The following MIPOL1 variants were observed in gnomAD, a reference collection of about 807,000 sequenced individuals.
The protein encoded by MIPOL1 is mirror-image polydactyly gene 1 protein.
In MIPOL1, 57 loss-of-function variants were observed where a neutral mutation model predicts 60.9. The ratio of observed to expected loss-of-function variants is 0.94; its 90% CI spans 0.76 to 1.17. The LOEUF is 1.17. Among genes scored for constraint, MIPOL1 ranks in the 50% most tolerant of loss-of-function variants. The pLI, the probability that MIPOL1 is intolerant of heterozygous loss-of-function variation, is 0.00. For missense variants in MIPOL1, 551 were observed against 511.6 expected (o/e 1.08, Z -0.74); for synonymous variants, 179 against 168.8 (o/e 1.06, Z -0.47).
intron 11 of MIPOL1, among the ~76,000 whole-genome samples, chr14:37,497,234 G>A (rs1395163293): frequency 6.6e-6 from 1 of 152,146 alleles, no homozygotes; most frequent in Non-Finnish European, 1.5e-5. Flanking sequence ...ATAGGCATGG[G>A]CAAGGACTTC....
At position 37,247,918 on chromosome 14, in the gene MIPOL1, T is replaced by C; in HGVS notation, c.19+11T>C. ...AGAACTGGTCAAAAGGTAAGGACTT[T>C]TAAGGTATTAATACCAAGCCCCAGG... On this transcript the variant is annotated intron_variant, in intron 3 of 12. Coordinates refer to ENST00000684589, the MANE Select transcript of MIPOL1 (RefSeq NM_001388067.1). 1.9e-6 allele frequency: 3 copies of C among 1,612,836 alleles called. No individual in the cohort carries two copies. Among genetic ancestry groups the C allele is most frequent in the Non-Finnish European group, 2.5e-6 (3 of 1,179,258 alleles).
intron 6 of MIPOL1, among the ~76,000 whole-genome samples, chr14:37,279,747 T>C (rs1016808233): frequency 5.9e-5 from 9 of 152,156 alleles, no homozygotes; most frequent in Non-Finnish European, 1.0e-4. Context: ...ATCAAATCAG[T>C]CTGATTAACG....
intron 11 of MIPOL1, among the ~76,000 whole-genome samples, chr14:37,424,219 T>C (rs781205666): frequency 5.3e-5 from 8 of 152,208 alleles, no homozygotes; most frequent in Non-Finnish European, 1.2e-4. Flanking sequence ...ACTGATGTCC[T>C]AACCCCTGCT....
intron 11 of MIPOL1, among the ~76,000 whole-genome samples, chr14:37,464,380 T>C (rs185923469): frequency 1.4e-4 from 21 of 152,240 alleles, no homozygotes; most frequent in Admixed American, 1.4e-3. Context: ...ATATATACAC[T>C]ATGGAATAGT....
At chr14:37,364,105 C>A (rs1254396306) in intron 9 of MIPOL1, among the ~76,000 whole-genome samples, 3 of 152,216 alleles carry the variant, frequency 2.0e-5, no homozygotes, top group African/African-American at 7.2e-5. Flanking sequence ...TGAGGTGACG[C>A]CCTGCCCTGC....
intron 1 of MIPOL1, among the ~76,000 whole-genome samples, chr14:37,216,147 C>G (rs1967653171): frequency 6.6e-6 from 1 of 151,052 alleles, no homozygotes; most frequent in African/African-American, 2.4e-5. Context: ...CTAGTTATAT[C>G]AGGCAAAATA....
At position 37,267,189 on chromosome 14, in the gene MIPOL1, GA is replaced by G; in HGVS notation, c.251+21del. 1 of 1,585,888 alleles carries G rather than the reference GA, an allele frequency of 6.3e-7. No individual in the cohort carries two copies. Among genetic ancestry groups the G allele is most frequent in the Non-Finnish European group, 8.6e-7 (1 of 1,156,744 alleles). ...ATACAAGTAAGTGCTCACAGCCTTA[GA>G]TTTAGAAGGAATTGGGGCCAGGCGT... On this transcript the variant is annotated intron_variant, in intron 4 of 12. Transcript: ENST00000684589.
At position 37,549,093 on chromosome 14, in the gene MIPOL1, TA is replaced by T. The variant is rs1263219901; in HGVS notation, c.*2123del. ...CATCAACAGTGTGTCAGATGGTCTTTATATATTTTTTCTGTATGAAGGAATA... is the reference window on the plus strand; with the variant it reads ...CATCAACAGTGTGTCAGATGGTCTTTTATATTTTTTCTGTATGAAGGAATA... On this transcript the variant is annotated 3_prime_UTR_variant, in exon 13 of 13. Coordinates refer to ENST00000684589, the MANE Select transcript of MIPOL1 (RefSeq NM_001388067.1). 1 of 151,914 alleles carries T rather than the reference TA, an allele frequency of 6.6e-6. No individual in the cohort carries two copies. The highest frequency in any genetic ancestry group is 2.4e-5 in the African/African-American group (1 of 41,434). 9.4% of individuals were successfully genotyped at this position (151,914 alleles called of 1,614,324 possible).
chr14:37,251,524 T>A (rs1343186753), intron 3 of MIPOL1, among the ~76,000 whole-genome samples: 1 of 151,768 alleles, frequency 6.6e-6, no homozygotes. Context: ...TGCGTTTTTG[T>A]GAAAACTTCT....
At chr14:37,509,757 A>C (rs2095311270) in intron 12 of MIPOL1, among the ~76,000 whole-genome samples, 1 of 151,324 alleles carries the variant, frequency 6.6e-6, no homozygotes, top group Non-Finnish European at 1.5e-5. Flanking sequence ...TGTGATACAC[A>C]TACATGTATG....
At chr14:37,360,556 G>A (rs1198835842) in intron 9 of MIPOL1, among the ~76,000 whole-genome samples, 5 of 152,148 alleles carry the variant, frequency 3.3e-5, no homozygotes, top group African/African-American at 9.7e-5. Flanking sequence ...GAGGGTGTAC[G>A]TGTCCAGGAA....
At chr14:37,399,457 G>C (rs2093440287) in intron 10 of MIPOL1, among the ~76,000 whole-genome samples, 1 of 152,002 alleles carries the variant, frequency 6.6e-6, no homozygotes, top group African/African-American at 2.4e-5. Context: ...CTTCCATTTA[G>C]TGTTCATTTT....
chr14:37,329,558 A>C (rs892140727), intron 9 of MIPOL1, among the ~76,000 whole-genome samples: 2 of 152,162 alleles, frequency 1.3e-5, no homozygotes, highest in African/African-American at 4.8e-5. Flanking sequence ...ATGTTTGGGC[A>C]GCACATATTA....
intron 3 of MIPOL1, among the ~76,000 whole-genome samples, chr14:37,258,730 A>C (rs1474572002): frequency 6.6e-6 from 1 of 152,144 alleles, no homozygotes; most frequent in Non-Finnish European, 1.5e-5. Flanking sequence ...TAAACATATG[A>C]TAGAATTTCA....
At chr14:37,485,525 C>G (rs1247775779) in intron 11 of MIPOL1, among the ~76,000 whole-genome samples, 1 of 152,204 alleles carries the variant, frequency 6.6e-6, no homozygotes, top group African/African-American at 2.4e-5. Context: ...GATCACCATT[C>G]TAACTGGCGT....
At position 37,551,046 on chromosome 14, in the gene MIPOL1, G is replaced by A. The variant is rs2095560588; in HGVS notation, c.*4075G>A. ...GTGTATTTTTGAGAATCATTAAAAT[G>A]TATACAATGATATTCCTTTGCAGAA... On this transcript the variant is annotated 3_prime_UTR_variant, in exon 13 of 13. Coordinates refer to ENST00000684589, the MANE Select transcript of MIPOL1 (RefSeq NM_001388067.1). The A allele has an allele frequency of 6.6e-6, 1 of 152,018 alleles. No homozygotes were observed. Among genetic ancestry groups the A allele is most frequent in the Non-Finnish European group, 1.5e-5 (1 of 67,974 alleles). 9.4% of individuals were successfully genotyped at this position (152,018 alleles called of 1,614,324 possible).
chr14:37,539,228 G>T (rs1343353790), intron 12 of MIPOL1, among the ~76,000 whole-genome samples: 1 of 152,018 alleles, frequency 6.6e-6, no homozygotes, highest in Non-Finnish European at 1.5e-5. Context: ...AAAAAGAACT[G>T]CCCAGCTGAG....
At chr14:37,304,321 A>G (rs2086599045) in intron 7 of MIPOL1, among the ~76,000 whole-genome samples, 1 of 151,498 alleles carries the variant, frequency 6.6e-6, no homozygotes, top group Non-Finnish European at 1.5e-5. Context: ...CTTGGCTTTA[A>G]TGCTTTTTCT....
intron 10 of MIPOL1, among the ~76,000 whole-genome samples, chr14:37,374,783 C>G (rs113210306): frequency 0.012 from 1,877 of 152,254 alleles, 13 homozygotes; most frequent in Middle Eastern, 0.031. Flanking sequence ...GTTTTGGTTA[C>G]TGTAGCCTCG....
Sources: gnomAD v4.1 joint callset for allele counts (sites outside exome capture counted in the v4.1 genomes callset) on GRCh38, gnomAD v4.1.1 for gene constraint, MANE v1.5 for transcripts, NCBI Gene and HGNC (gene_info 2026-07-23, HGNC 2026-07-21) for gene names.